The following KCNQ1 variants were observed in gnomAD, a reference collection of about 807,000 sequenced individuals.
KCNQ1 encodes potassium voltage-gated channel subfamily KQT member 1.
Under a neutral mutation model 72.4 loss-of-function variants are expected in KCNQ1, and 49 were observed. That is an observed-to-expected ratio of 0.68 (90% CI 0.54 to 0.86). The LOEUF is 0.86. KCNQ1 is among the 40% of genes least tolerant of loss of function. KCNQ1 has a pLI of 0.00. For missense variants in KCNQ1, 790 were observed against 945.1 expected, an observed-to-expected ratio of 0.84 and a Z score of 2.15; for synonymous variants, 450 against 412.6, an observed-to-expected ratio of 1.09 and a Z score of -1.10.
Position 2,808,779 on chromosome 11 carries a change from G to C in KCNQ1, c.1794+30742G>C, listed in dbSNP as rs185320034. On this transcript the variant is annotated intron_variant, in intron 15 of 15. Coordinates refer to ENST00000155840, the MANE Select transcript of KCNQ1 (RefSeq NM_000218.3). The surrounding 1 kb of genome is among the most constrained non-coding windows in gnomAD (Gnocchi z 6.0). ...AGAGCAGCATTCCAGACGCTTCTCTGTATGTTGCATAGAAAAAGGATGGTT... is the reference window on the plus strand; with the variant it reads ...AGAGCAGCATTCCAGACGCTTCTCTCTATGTTGCATAGAAAAAGGATGGTT... 1.3e-3 allele frequency among the ~76,000 whole-genome samples: 203 copies of C among 152,224 alleles called. No individual in the cohort carries two copies. Among genetic ancestry groups the C allele is most frequent in the Non-Finnish European group, 2.5e-3 (168 of 68,030 alleles).
At chr11:2,680,458 A>AT in intron 11 of KCNQ1, 1 of 398,472 alleles carries the variant, frequency 2.5e-6, no homozygotes, top group Non-Finnish European at 4.4e-6. Flanking sequence ...GGGTATTTTT[A>AT]GGAGGACTAC....
At chr11:2,472,510 A>G (rs1846501011) in intron 1 of KCNQ1, among the ~76,000 whole-genome samples, 1 of 152,086 alleles carries the variant, frequency 6.6e-6, no homozygotes, top group Non-Finnish European at 1.5e-5. Flanking sequence ...CTCAGGGTGA[A>G]GCACCTTTAC....
chr11:2,835,423 A>ACACACG (rs1564910722), intron 15 of KCNQ1, among the ~76,000 whole-genome samples: 2 of 151,862 alleles, frequency 1.3e-5, no homozygotes. Flanking sequence ...ACACACACAC[A>ACACACG]CACACGCACA....
rs540672013 is a variant in KCNQ1 at position 2,543,945 on chromosome 11, G to A, written c.477+15927G>A. 1.3e-5 allele frequency among the ~76,000 whole-genome samples: 2 copies of A among 152,254 alleles called. No individual in the cohort carries two copies. The highest frequency in any genetic ancestry group is 6.5e-5 in the Admixed American group (1 of 15,294). On this transcript the variant is annotated intron_variant, in intron 2 of 15. Coordinates refer to ENST00000155840, the MANE Select transcript of KCNQ1 (RefSeq NM_000218.3). This position sits in a 1 kb window ranked among gnomAD's most constrained non-coding sequence, Gnocchi z 5.6. ...CTTTCTGGACACTCTACTGTGATCCGTTGATCTGTCCTTTTGCCAGTCACA... is the reference window on the plus strand; with the variant it reads ...CTTTCTGGACACTCTACTGTGATCCATTGATCTGTCCTTTTGCCAGTCACA...
At chr11:2,798,005 C>T (rs571400401) in intron 15 of KCNQ1, among the ~76,000 whole-genome samples, 26 of 152,342 alleles carry the variant, frequency 1.7e-4, no homozygotes, top group East Asian at 5.8e-4. Context: ...AAGTTCAGCC[C>T]TCTCACCCTC....
chr11:2,474,666 G>T (rs1846544893), intron 1 of KCNQ1, among the ~76,000 whole-genome samples: 1 of 50,864 alleles, frequency 2.0e-5, no homozygotes, highest in African/African-American at 4.1e-5. Context: ...TGTTCCATGT[G>T]GGGCGGGAGC....
chr11:2,499,831 A>G (rs1846981249), intron 1 of KCNQ1, among the ~76,000 whole-genome samples: 1 of 152,236 alleles, frequency 6.6e-6, no homozygotes, highest in Non-Finnish European at 1.5e-5. Context: ...ATAGATATTT[A>G]CAGGACATTT....
chr11:2,756,804 T>C (rs775554208), intron 11 of KCNQ1, among the ~76,000 whole-genome samples: 7 of 151,992 alleles, frequency 4.6e-5, no homozygotes, highest in Non-Finnish European at 7.4e-5. Context: ...ACATTGTTTT[T>C]AAAAACTAAT....
At chr11:2,681,482 G>T in intron 11 of KCNQ1, 1 of 398,548 alleles carries the variant, frequency 2.5e-6, no homozygotes, top group Non-Finnish European at 4.4e-6. Flanking sequence ...CCCTAGATGA[G>T]AAATGGGACT....
chr11:2,794,089 G>A (rs968542071), intron 15 of KCNQ1, among the ~76,000 whole-genome samples: 6 of 152,186 alleles, frequency 3.9e-5, no homozygotes, highest in East Asian at 1.9e-4. Flanking sequence ...TGGCCCGGCC[G>A]GGCCAAGGAT....
At position 2,627,889 on chromosome 11, in the gene KCNQ1, C is replaced by A. The variant is rs1255701996; in HGVS notation, c.1394-34072C>A. On this transcript the variant is annotated intron_variant, in intron 10 of 15. Transcript: ENST00000155840. This position sits in a 1 kb window ranked among gnomAD's most constrained non-coding sequence, Gnocchi z 4.9. ...CCTCAGCCTCCTGAGTAGCTGGGAC[C>A]ACAGTCATGCACCCCCATGCCCAGC... The A allele has an allele frequency of 7.5e-6, 3 of 398,410 alleles. No individual in the cohort carries two copies. Among genetic ancestry groups the A allele is most frequent in the Admixed American group, 8.8e-5 (2 of 22,708 alleles). The allele number at this position is 398,410 out of a possible 1,614,324, so 24.7% of individuals were successfully genotyped here.
At chr11:2,634,329 C>G (rs1001045817) in intron 10 of KCNQ1, 1 of 199,262 alleles carries the variant, frequency 5.0e-6, no homozygotes, top group African/African-American at 3.3e-5. Context: ...CTCCCCCCTC[C>G]CCCCCCACCC....
At chr11:2,796,967 A>G (rs530558891) in intron 15 of KCNQ1, among the ~76,000 whole-genome samples, 14 of 152,338 alleles carry the variant, frequency 9.2e-5, no homozygotes, top group Non-Finnish European at 1.8e-4. Context: ...CTAACCCCCC[A>G]AGGGCCAGAG....
chr11:2,709,220 G>GCCCCCCCCCCCCCCCC (rs34617956), intron 11 of KCNQ1, among the ~76,000 whole-genome samples: 85 of 130,042 alleles, frequency 6.5e-4, no homozygotes, highest in South Asian at 1.2e-3. Flanking sequence ...CGGCTTCCAG[G>GCCCCCCCCCCCCCCCC]CCCCCCCCAC....
Position 2,481,065 on chromosome 11 carries a change from C to T in KCNQ1, c.386+35581C>T, listed in dbSNP as rs994032585. Reference sequence around the variant, plus strand: ...GAAAGTTAGAAGAGAATTACCACATCATGTTGGATTTCACTCATAGCCACG... The same window carrying T: ...GAAAGTTAGAAGAGAATTACCACATTATGTTGGATTTCACTCATAGCCACG... On this transcript the variant is annotated intron_variant, in intron 1 of 15. Coordinates refer to ENST00000155840, the MANE Select transcript of KCNQ1 (RefSeq NM_000218.3). The surrounding 1 kb of genome is among the most constrained non-coding windows in gnomAD (Gnocchi z 4.6). 6.6e-6 allele frequency among the ~76,000 whole-genome samples: 1 copy of T among 152,194 alleles called. No homozygotes were observed. Among genetic ancestry groups the T allele is most frequent in the Admixed American group, 6.5e-5 (1 of 15,282 alleles).
chr11:2,798,363 C>T (rs2134020409), intron 15 of KCNQ1, among the ~76,000 whole-genome samples: 1 of 152,316 alleles, frequency 6.6e-6, no homozygotes, highest in African/African-American at 2.4e-5. Context: ...GTGCCCAGTC[C>T]TCAGAACTCA....
At position 2,759,767 on chromosome 11, in the gene KCNQ1, C is replaced by T. The variant is rs889027748; in HGVS notation, c.1515-9077C>T. Among the ~76,000 whole-genome samples the T allele has an allele frequency of 1.2e-4, 19 of 152,114 alleles. No individual in the cohort carries two copies. Among genetic ancestry groups the T allele is most frequent in the African/African-American group, 4.3e-4 (18 of 41,412 alleles). On this transcript the variant is annotated intron_variant, in intron 11 of 15. Transcript: ENST00000155840. The surrounding 1 kb of genome is among the most constrained non-coding windows in gnomAD (Gnocchi z 4.4). ...AACTGTCTGGCTGGGGGAGAGGGGA[C>T]AGAGGTCCTGGGAGGGGCTGAAGGC...
intron 1 of KCNQ1, chr11:2,521,610 A>G: frequency 2.2e-6 from 1 of 460,494 alleles, no homozygotes; most frequent in South Asian, 1.6e-5. Context: ...TGGAGTTCTA[A>G]GGGCACCCCT....
chr11:2,460,116 G>T (rs544726793), intron 1 of KCNQ1, among the ~76,000 whole-genome samples: 1 of 152,216 alleles, frequency 6.6e-6, no homozygotes, highest in East Asian at 1.9e-4. Flanking sequence ...CTTGCTTGCA[G>T]TGCCCATGGG....
Sources: gnomAD v4.1 joint callset for allele counts (sites outside exome capture counted in the v4.1 genomes callset) on GRCh38, gnomAD v4.1.1 for gene constraint, Gnocchi (gnomAD v3.1) non-coding constraint, MANE v1.5 for transcripts, NCBI Gene and HGNC (gene_info 2026-07-23, HGNC 2026-07-21) for gene names.